CKAP5: variants seen among roughly 807,000 people sequenced by gnomAD.
The protein encoded by CKAP5 is cytoskeleton associated protein 5.
CKAP5 carries 27 observed loss-of-function variants against 232.8 expected under a neutral mutation model. The ratio of observed to expected loss-of-function variants is 0.12; its 90% CI spans 0.09 to 0.16. The LOEUF is 0.16. Ranked by LOEUF, CKAP5 falls within the 10% of genes least tolerant of loss-of-function variation. The pLI is 1.00. For synonymous variants in CKAP5, 785 were observed against 841.1 expected, an observed-to-expected ratio of 0.93 and a Z score of 1.16; for missense variants, 1,838 against 2,424.7, an observed-to-expected ratio of 0.76 and a Z score of 5.08.
intron 22 of CKAP5, 96 bp downstream of exon 22, chr11:46,778,043 A>G: frequency 2.1e-6 from 2 of 946,466 alleles, no homozygotes; most frequent in Non-Finnish European, 3.2e-6. Context: ...AAATAAAGTA[A>G]CCACTTATTT....
rs145764493 is a variant in CKAP5, at chr11:46,750,782, G to A, written c.5461-171C>T. Among the ~76,000 whole-genome samples the A allele has an allele frequency of 4.7e-4, 72 of 152,316 alleles. No homozygotes were observed. In the East Asian group the frequency reaches 0.013, roughly 28 times the overall value. On this transcript the variant is annotated intron_variant, in intron 40 of 43. Coordinates refer to ENST00000529230, the MANE Select transcript of CKAP5 (RefSeq NM_001008938.4). ...CTTGCAGCAGAAGCACTAACATTCT[G>A]TGTTACTGAATGCCTCCAGTCTCAG...
chr11:46,843,683 T>C (rs143940205), intron 1 of CKAP5, among the ~76,000 whole-genome samples: 331 of 135,570 alleles, frequency 2.4e-3, no homozygotes, highest in African/African-American at 8.9e-3. Flanking sequence ...TGACCCATAA[T>C]AGCAGCACTG....
chr11:46,746,372 A>T (rs1162896864), intron 42 of CKAP5, among the ~76,000 whole-genome samples: 1 of 152,168 alleles, frequency 6.6e-6, no homozygotes, highest in Non-Finnish European at 1.5e-5. Context: ...ATTTCAGCTT[A>T]AACTTAGTTA....
chr11:46,763,344 C>A (rs1260096215), intron 29 of CKAP5, 137 bp downstream of exon 29: 3 of 976,500 alleles, frequency 3.1e-6, no homozygotes, highest in African/African-American at 1.7e-5. Context: ...ATTTATTCTA[C>A]CAAATAACAA....
chr11:46,787,109 G>T (rs981556882), intron 16 of CKAP5, among the ~76,000 whole-genome samples: 1 of 152,200 alleles, frequency 6.6e-6, no homozygotes, highest in Admixed American at 6.5e-5. Flanking sequence ...AGTGAGCCAC[G>T]TTTGCACCAC....
rs2065241606 is a variant in CKAP5, at chr11:46,770,888, T to A, written c.3086A>T (p.Asp1029Val). ...CTTCTTTCGCACATCTCCATTTCGA[T>A]CTTCTAGGCAGGAGTAGAGATGAGG... Reference protein sequence around the residue: ...CVPHLYSCLEDRNGDVRKKAQ... With the variant: ...CVPHLYSCLEVRNGDVRKKAQ... The change falls in exon 25 of 44, where the codon GAT becomes GTT. Residue 1029 changes from aspartate to valine, a missense_variant. Coordinates refer to ENST00000529230, the MANE Select transcript of CKAP5 (RefSeq NM_001008938.4). 4 of 1,614,050 alleles carry A rather than the reference T, an allele frequency of 2.5e-6. No homozygotes were observed. Among genetic ancestry groups the A allele is most frequent in the Non-Finnish European group, 2.5e-6 (3 of 1,180,018 alleles).
At chr11:46,794,533 C>T (rs1399404710) in intron 13 of CKAP5, among the ~76,000 whole-genome samples, 5 of 152,084 alleles carry the variant, frequency 3.3e-5, no homozygotes, top group Non-Finnish European at 7.4e-5. Flanking sequence ...CAGATTGCCA[C>T]CTGCACATGA....
At position 46,753,236 on chromosome 11, in the gene CKAP5, C is replaced by T. The variant is rs564974043; in HGVS notation, c.5057+74G>A. The T allele has an allele frequency of 1.9e-5, 23 of 1,234,614 alleles. No homozygotes were observed. The East Asian group carries it at 3.0e-4, about 16-fold the overall frequency. 76.5% of individuals were successfully genotyped at this position (1,234,614 alleles called of 1,614,324 possible). A position where few individuals can be genotyped will look rare whatever the true frequency, so the allele number is the denominator to read the frequency against. On this transcript the variant is annotated intron_variant, in intron 37 of 43. Transcript: ENST00000529230. ...TTAGGTTGCCTAGGAAGTTGACTTA[C>T]GGACATTATGGTTTCTAAGTGTAAA...
chr11:46,769,980 T>G lies in CKAP5; in HGVS notation c.3305A>C (p.Lys1102Thr). The G allele has an allele frequency of 6.2e-7, 1 of 1,614,178 alleles. No individual in the cohort carries two copies. The highest frequency in any genetic ancestry group is 8.5e-7 in the Non-Finnish European group (1 of 1,180,022). ...AGAGTTACCTGATGCAGGCTGGAAT[T>G]TGGCTGGAGCGGACCCTCCCATTGG... ...SKPMGGSAPA[K>T]FQPASAPAED... The change falls in exon 26 of 44, where the codon AAA (lysine) becomes ACA (threonine). Residue 1102 changes from lysine (K) to threonine (T), a missense_variant. Physicochemically the swap from Lys to Thr is moderately conservative, Grantham distance 78. Transcript: ENST00000529230.
rs560738699 is a variant in CKAP5 at position 46,778,867 on chromosome 11, G to C, written c.2434-268C>G. Among the ~76,000 whole-genome samples, 23 of 152,286 alleles carry C rather than the reference G, an allele frequency of 1.5e-4. No homozygotes were observed. In the South Asian group the frequency reaches 3.7e-3, roughly 25 times the overall value. On this transcript the variant is annotated intron_variant, in intron 20 of 43. Coordinates refer to ENST00000529230, the MANE Select transcript of CKAP5 (RefSeq NM_001008938.4). The stretch of plus-strand genomic sequence containing the variant: ...AGGCGGGTGGATCATCTGAGGTCAG[G>C]AGTTCAAGACCAGCCTGGCTGATAC...
rs1274307140 is a variant in CKAP5, at chr11:46,776,391, G to A, written c.2863-8C>T. On this transcript the variant is annotated splice_region_variant and splice_polypyrimidine_tract_variant and intron_variant, in intron 23 of 43. Transcript: ENST00000529230. ...AGCAGCTCGAACATTGTTCTAAATG[G>A]AGAAGATAATCAGCAAAAATAATAT... The A allele has an allele frequency of 2.5e-6, 4 of 1,603,574 alleles. No individual in the cohort carries two copies. Among genetic ancestry groups the A allele is most frequent in the Non-Finnish European group, 3.4e-6 (4 of 1,175,080 alleles).
Position 46,744,095 on chromosome 11 carries a change from G to T in CKAP5, c.6027C>A (p.Thr2009=), listed in dbSNP as rs1318888151. ...SNQTHSSGTV[T]SSSSTANIDD... is the part of the protein sequence containing the mutation. ...CTATGTTAGCTGTGGAGGAGGAGGA[G>T]GTCACAGTTCCTGAAGAGTGAGTCT... The change falls in exon 44 of 44, where the codon ACC becomes ACA. Residue 2009 remains threonine, a synonymous_variant. Transcript: ENST00000529230. The T allele has an allele frequency of 6.2e-7, 1 of 1,613,952 alleles. No individual in the cohort carries two copies. Among genetic ancestry groups the T allele is most frequent in the African/African-American group, 1.3e-5 (1 of 74,970 alleles).
intron 1 of CKAP5, among the ~76,000 whole-genome samples, chr11:46,838,281 C>T (rs1160349412): frequency 3.9e-5 from 6 of 152,092 alleles, no homozygotes; most frequent in African/African-American, 1.4e-4. Context: ...TAAAGACTTT[C>T]TGAACTAGTC....
chr11:46,821,345 AT>A, intron 1 of CKAP5, 77 bp from the exon 2 acceptor site: 1 of 606,936 alleles, frequency 1.6e-6, no homozygotes, highest in Non-Finnish European at 2.9e-6. Context: ...TGAGATTATT[AT>A]TTTATCATTC....
At chr11:46,833,525 G>T (rs1939843319) in intron 1 of CKAP5, among the ~76,000 whole-genome samples, 1 of 150,660 alleles carries the variant, frequency 6.6e-6, no homozygotes, top group Non-Finnish European at 1.5e-5. Context: ...TGTCGCCCAG[G>T]CTGGAGTGCA....
intron 27 of CKAP5, among the ~76,000 whole-genome samples, chr11:46,766,427 C>T (rs2065202915): frequency 6.6e-6 from 1 of 151,998 alleles, no homozygotes; most frequent in Admixed American, 6.6e-5. Context: ...AGATAATTAC[C>T]CATTTAAATT....
chr11:46,795,799 A>G, intron 12 of CKAP5, 23 bp from the exon 13 acceptor site: 1 of 1,600,122 alleles, frequency 6.2e-7, no homozygotes, highest in Non-Finnish European at 8.6e-7. Flanking sequence ...AGTGAGATGA[A>G]CATCATTAAG....
At chr11:46,810,475 A>AT (rs35578031) in intron 5 of CKAP5, among the ~76,000 whole-genome samples, 29 of 149,746 alleles carry the variant, frequency 1.9e-4, no homozygotes, top group Non-Finnish European at 2.8e-4. Flanking sequence ...TGCTTGGCTA[A>AT]TTTTTTTTTT....
rs753380290 is a variant in CKAP5 at position 46,769,943 on chromosome 11, CCTT to C, written c.3322+17_3322+19del. On this transcript the variant is annotated intron_variant, in intron 26 of 43. Transcript: ENST00000529230. The stretch of plus-strand genomic sequence containing the variant: ...TCAGGGCTATTTCCTTCCCCTTTAA[CCTT>C]CTTAAGATAGAGTTACCTGATGCAG... 1 of 1,613,668 alleles carries C rather than the reference CCTT, an allele frequency of 6.2e-7. No individual in the cohort carries two copies. Among genetic ancestry groups the C allele is most frequent in the East Asian group, 2.2e-5 (1 of 44,866 alleles).
Sources: gnomAD v4.1 joint callset for allele counts (sites outside exome capture counted in the v4.1 genomes callset) on GRCh38, gnomAD v4.1.1 for gene constraint, MANE v1.5 for transcripts, NCBI Gene and HGNC (gene_info 2026-07-23, HGNC 2026-07-21) for gene names.